Variants in PKIA observed in about 807,000 individuals in gnomAD.
PKIA encodes PKI-alpha.
PKIA carries 4 observed loss-of-function variants against 7.6 expected under a neutral mutation model. The ratio of observed to expected loss-of-function variants is 0.52; its 90% CI spans 0.26 to 1.20. The LOEUF (loss-of-function observed/expected upper bound fraction) is 1.20. PKIA is among the 50% of genes most tolerant of loss of function. The pLI, the probability that PKIA is intolerant of heterozygous loss-of-function variation, is 0.13. For missense variants in PKIA, 73 were observed against 86.2 expected, an observed-to-expected ratio of 0.85 and a Z score of 0.61; for synonymous variants, 21 against 30.7, an observed-to-expected ratio of 0.68 and a Z score of 1.04.
chr8:78,589,039 G>T (rs981995129), intron 2 of PKIA, among the ~76,000 whole-genome samples: 1 of 152,166 alleles, frequency 6.6e-6, no homozygotes, highest in Non-Finnish European at 1.5e-5. Flanking sequence ...AACTCCAGAA[G>T]CAAGAGGCAG....
At chr8:78,528,170 A>C (rs1806294608) in intron 1 of PKIA, among the ~76,000 whole-genome samples, 2 of 152,074 alleles carry the variant, frequency 1.3e-5, no homozygotes, top group Admixed American at 6.6e-5. Flanking sequence ...AAAATACTAA[A>C]ATTTGTTCAA....
chr8:78,549,428 A>G (rs1227156519), intron 1 of PKIA, among the ~76,000 whole-genome samples: 2 of 152,076 alleles, frequency 1.3e-5, no homozygotes, highest in Non-Finnish European at 2.9e-5. Flanking sequence ...ATTTAAGCTT[A>G]ACTTTTACAG....
chr8:78,590,613 T>C (rs1246405640), intron 2 of PKIA, among the ~76,000 whole-genome samples: 1 of 151,960 alleles, frequency 6.6e-6, no homozygotes, highest in Non-Finnish European at 1.5e-5. Flanking sequence ...AGCCAGAGAG[T>C]TGCAAATGTA....
At chr8:78,532,318 A>AAAAC (rs776479118) in intron 1 of PKIA, among the ~76,000 whole-genome samples, 3 of 151,574 alleles carry the variant, frequency 2.0e-5, no homozygotes, top group Non-Finnish European at 2.9e-5. Context: ...CTGAAATTAC[A>AAAAC]AAACAAACAA....
chr8:78,536,362 C>A, intron 1 of PKIA, among the ~76,000 whole-genome samples: 1 of 151,972 alleles, frequency 6.6e-6, no homozygotes, highest in African/African-American at 2.4e-5. Context: ...AGTACAGCTG[C>A]CTCAGAGACA....
At chr8:78,600,150 A>C (rs1808319419) in intron 3 of PKIA, among the ~76,000 whole-genome samples, 1 of 151,924 alleles carries the variant, frequency 6.6e-6, no homozygotes, top group Admixed American at 6.6e-5. Flanking sequence ...TATAAAGTCC[A>C]AAACCAGGAA....
chr8:78,525,385 T>A (rs1193457974), intron 1 of PKIA, among the ~76,000 whole-genome samples: 1 of 151,900 alleles, frequency 6.6e-6, no homozygotes, highest in Admixed American at 6.6e-5. Flanking sequence ...CATATAGGTG[T>A]GAGATAGTGG....
chr8:78,539,127 A>G (rs1003770061), intron 1 of PKIA, among the ~76,000 whole-genome samples: 1 of 152,090 alleles, frequency 6.6e-6, no homozygotes, highest in Non-Finnish European at 1.5e-5. Context: ...AAACATTTGG[A>G]GGAAAAGGTT....
intron 1 of PKIA, among the ~76,000 whole-genome samples, chr8:78,523,980 T>A (rs866793570): frequency 4.5e-4 from 40 of 88,404 alleles, no homozygotes; most frequent in African/African-American, 1.8e-3. Context: ...ACATTTATAT[T>A]TATAAATATA....
chr8:78,539,089 G>A (rs1027231383), intron 1 of PKIA, among the ~76,000 whole-genome samples: 12 of 152,042 alleles, frequency 7.9e-5, no homozygotes, highest in Non-Finnish European at 5.9e-5. Flanking sequence ...TCAGCTGTGA[G>A]TAATTTGAGT....
intron 2 of PKIA, among the ~76,000 whole-genome samples, chr8:78,595,181 A>G (rs561375813): frequency 6.6e-6 from 1 of 152,208 alleles, no homozygotes; most frequent in Non-Finnish European, 1.5e-5. Context: ...GAAAGTAAAG[A>G]TAACAGTAGA....
At chr8:78,556,413 A>G (rs1183245755) in intron 1 of PKIA, 1 of 151,668 alleles carries the variant, frequency 6.6e-6, no homozygotes, top group Non-Finnish European at 1.5e-5. Context: ...TCCATTGTTT[A>G]CTATTATTTT....
intron 1 of PKIA, among the ~76,000 whole-genome samples, chr8:78,565,374 A>G (rs1807378253): frequency 6.6e-6 from 1 of 151,994 alleles, no homozygotes; most frequent in Non-Finnish European, 1.5e-5. Context: ...CACATGATGA[A>G]GCCATGCTGA....
At chr8:78,590,662 TG>T (rs1221343931) in intron 2 of PKIA, among the ~76,000 whole-genome samples, 2 of 152,030 alleles carry the variant, frequency 1.3e-5, no homozygotes, top group Non-Finnish European at 2.9e-5. Flanking sequence ...TTTTTTGCTT[TG>T]GAGAATATAT....
intron 1 of PKIA, among the ~76,000 whole-genome samples, chr8:78,552,140 T>C (rs1311705346): frequency 6.6e-6 from 1 of 151,938 alleles, no homozygotes; most frequent in Non-Finnish European, 1.5e-5. Context: ...GAAAGTCCCA[T>C]AAAATTCAAA....
intron 1 of PKIA, among the ~76,000 whole-genome samples, chr8:78,522,437 T>TCAA (rs1809433827): frequency 6.6e-6 from 1 of 151,914 alleles, no homozygotes; most frequent in East Asian, 1.9e-4. Context: ...GTACTCTAGA[T>TCAA]ACTGTAGTTT....
At position 78,565,869 on chromosome 8, in the gene PKIA, A is replaced by G. The variant is rs148834594; in HGVS notation, c.-156-6942A>G. On this transcript the variant is annotated intron_variant, in intron 1 of 3. Transcript: ENST00000396418. ...AATACAATTTCCACTACATAGGGTA[A>G]CACCTGTTATCTGGAGAGATTTTAA... Among the ~76,000 whole-genome samples, 27 of 152,088 alleles carry G rather than the reference A, an allele frequency of 1.8e-4. No homozygotes were observed. The East Asian group carries it at 4.4e-3, about 25-fold the overall frequency.
At chr8:78,533,963 C>T (rs962148624) in intron 1 of PKIA, 9 of 152,004 alleles carry the variant, frequency 5.9e-5, no homozygotes, top group Admixed American at 3.3e-4. Context: ...AACACAGAAG[C>T]TTTACAAGAT....
intron 2 of PKIA, among the ~76,000 whole-genome samples, chr8:78,587,628 T>C (rs919330596): frequency 2.6e-5 from 4 of 152,302 alleles, no homozygotes; most frequent in African/African-American, 4.8e-5. Flanking sequence ...ATTCCATGCT[T>C]TAATTTGCTA....
Sources: gnomAD v4.1 joint callset for allele counts (sites outside exome capture counted in the v4.1 genomes callset) on GRCh38, gnomAD v4.1.1 for gene constraint, MANE v1.5 for transcripts, NCBI Gene and HGNC (gene_info 2026-07-23, HGNC 2026-07-21) for gene names.